Variants in SND1 observed in about 807,000 individuals in gnomAD.
The protein encoded by SND1 is staphylococcal nuclease and tudor domain containing 1.
A neutral mutation model predicts 121.7 loss-of-function variants in SND1; 38 were observed. The observed-to-expected ratio is 0.31, with a 90% CI of 0.24 to 0.41. SND1 has a LOEUF of 0.41. Among genes scored for constraint, SND1 ranks in the 10% least tolerant of loss-of-function variants. SND1 has a pLI of 1.00. For synonymous variants in SND1, 401 were observed against 447.4 expected (o/e 0.90, Z 1.31); for missense variants, 868 against 1,184.6 (o/e 0.73, Z 3.92).
At position 128,092,110 on chromosome 7, in the gene SND1, C is replaced by T; in HGVS notation, c.*52C>T. 1 of 1,577,842 alleles carries T rather than the reference C, an allele frequency of 6.3e-7. No homozygotes were observed. Among genetic ancestry groups the T allele is most frequent in the Non-Finnish European group, 8.7e-7 (1 of 1,147,704 alleles). ...CCCGCTCACGCCAGTCCCTCTTCCT[C>T]TGCCGGGAGGGTGTTTTCAACTCCA... is the stretch of plus-strand genomic sequence containing the variant. On this transcript the variant is annotated 3_prime_UTR_variant, in exon 24 of 24. Transcript: ENST00000354725. The surrounding 1 kb of genome is among the most constrained non-coding windows in gnomAD (Gnocchi z 4.9).
At chr7:127,700,160 G>C (rs1208757695) in intron 4 of SND1, among the ~76,000 whole-genome samples, 1 of 152,196 alleles carries the variant, frequency 6.6e-6, no homozygotes, top group Non-Finnish European at 1.5e-5. Context: ...CTCACAGCAG[G>C]ACTGGACCAT....
chr7:127,791,521 A>G (rs1797909619), intron 10 of SND1, among the ~76,000 whole-genome samples: 1 of 152,116 alleles, frequency 6.6e-6, no homozygotes, highest in Admixed American at 6.5e-5. Context: ...TTTTATTTAC[A>G]GCTCTGAAAT....
intron 10 of SND1, among the ~76,000 whole-genome samples, chr7:127,766,503 C>T (rs894516007): frequency 8.5e-5 from 13 of 152,070 alleles, no homozygotes; most frequent in Admixed American, 2.6e-4. Context: ...AGGCCGGGCG[C>T]GATGGCTCAT....
chr7:127,951,351 G>C (rs987672292), intron 15 of SND1, among the ~76,000 whole-genome samples: 3 of 152,164 alleles, frequency 2.0e-5, no homozygotes, highest in African/African-American at 7.2e-5. Context: ...TTCCAGTTAC[G>C]CGAGGTAACT....
chr7:128,048,146 G>A (rs1252369735), intron 16 of SND1, among the ~76,000 whole-genome samples: 3 of 152,086 alleles, frequency 2.0e-5, no homozygotes, highest in South Asian at 2.1e-4. Context: ...GCACCCGACT[G>A]TCTTCTTCCT....
chr7:127,677,385 C>G (rs189130613), intron 1 of SND1, among the ~76,000 whole-genome samples: 1 of 152,320 alleles, frequency 6.6e-6, no homozygotes, highest in Non-Finnish European at 1.5e-5. Flanking sequence ...GATTCTGAAA[C>G]TAAATTCTTA....
chr7:127,795,354 A>C (rs1797996284), intron 10 of SND1, among the ~76,000 whole-genome samples: 1 of 152,040 alleles, frequency 6.6e-6, no homozygotes, highest in Non-Finnish European at 1.5e-5. Context: ...AAATATACCA[A>C]CCCCAGCAAC....
At chr7:127,814,583 A>T (rs1798395470) in intron 11 of SND1, among the ~76,000 whole-genome samples, 1 of 151,908 alleles carries the variant, frequency 6.6e-6, no homozygotes. Context: ...TTGTCCACTT[A>T]CAAGGATCTA....
chr7:128,080,404 G>A (rs1010575439), intron 17 of SND1, among the ~76,000 whole-genome samples: 3 of 152,268 alleles, frequency 2.0e-5, no homozygotes, highest in African/African-American at 7.2e-5. Flanking sequence ...GAAGGGTGGA[G>A]AGCGCATGGC....
chr7:127,857,646 C>G (rs1799305187), intron 12 of SND1, among the ~76,000 whole-genome samples: 1 of 151,912 alleles, frequency 6.6e-6, no homozygotes, highest in Non-Finnish European at 1.5e-5. Flanking sequence ...ACTCAGGGAC[C>G]AAGGCGAGTC....
intron 10 of SND1, among the ~76,000 whole-genome samples, chr7:127,800,126 T>G (rs562661858): frequency 5.9e-5 from 9 of 152,348 alleles, no homozygotes; most frequent in African/African-American, 2.2e-4. Context: ...CATGTGGTAA[T>G]GCTCCTATTT....
chr7:128,029,971 C>G lies in SND1; in HGVS notation c.1779+38915C>G. On this transcript the variant is annotated intron_variant, in intron 16 of 23. Coordinates refer to ENST00000354725, the MANE Select transcript of SND1 (RefSeq NM_014390.4). This position sits in a 1 kb window ranked among gnomAD's most constrained non-coding sequence, Gnocchi z 4.2. ...TCAGGGAAGTGGTTCCCTGACATCT[C>G]CAGCTCCTCCAGCCCCACCAGGGGG... The G allele has an allele frequency of 6.2e-7, 1 of 1,613,156 alleles. No homozygotes were observed. Among genetic ancestry groups the G allele is most frequent in the Non-Finnish European group, 8.5e-7 (1 of 1,180,012 alleles).
At chr7:127,840,594 G>A (rs1209808751) in intron 11 of SND1, among the ~76,000 whole-genome samples, 1 of 152,112 alleles carries the variant, frequency 6.6e-6, no homozygotes, top group Non-Finnish European at 1.5e-5. Flanking sequence ...TTATTTAGAC[G>A]AAGATGTTGC....
At chr7:127,922,899 T>G (rs778928784) in intron 14 of SND1, among the ~76,000 whole-genome samples, 64 of 152,316 alleles carry the variant, frequency 4.2e-4, no homozygotes, top group Non-Finnish European at 8.8e-4. Context: ...GGCTGCGGTT[T>G]CTCCTATGTT....
chr7:127,763,892 A>T (rs925813423), intron 10 of SND1, among the ~76,000 whole-genome samples: 2 of 151,952 alleles, frequency 1.3e-5, no homozygotes, highest in African/African-American at 4.8e-5. Context: ...ATAGTGAGAC[A>T]CTGTCTCTAC....
chr7:127,891,486 C>G (rs1800008027), intron 13 of SND1, among the ~76,000 whole-genome samples: 1 of 152,078 alleles, frequency 6.6e-6, no homozygotes, highest in African/African-American at 2.4e-5. Context: ...TGTCAGAGCT[C>G]TTTCACTGCT....
At chr7:127,915,865 A>G (rs1800563086) in intron 14 of SND1, among the ~76,000 whole-genome samples, 1 of 152,218 alleles carries the variant, frequency 6.6e-6, no homozygotes. Flanking sequence ...CATTGCTGCA[A>G]TGTGAGGATA....
intron 13 of SND1, among the ~76,000 whole-genome samples, chr7:127,889,790 C>G (rs1799976843): frequency 6.6e-6 from 1 of 151,974 alleles, no homozygotes; most frequent in African/African-American, 2.4e-5. Flanking sequence ...TCTCTCTGTG[C>G]CTGGCTTATT....
At chr7:127,773,231 A>T (rs565631791) in intron 10 of SND1, among the ~76,000 whole-genome samples, 131 of 152,344 alleles carry the variant, frequency 8.6e-4, no homozygotes, top group African/African-American at 3.1e-3. Context: ...AGGCGGGCGG[A>T]TCACGAGGTC....
Sources: allele counts gnomAD v4.1 joint callset (sites outside exome capture counted in the v4.1 genomes callset), GRCh38; gene constraint gnomAD v4.1.1; non-coding constraint Gnocchi (gnomAD v3.1); transcripts MANE v1.5; gene names NCBI Gene and HGNC (gene_info 2026-07-23, HGNC 2026-07-21).